The following NLRP12 variants were observed in gnomAD, a reference collection of about 807,000 sequenced individuals.
NLRP12 encodes the protein NLR family pyrin domain containing 12.
NLRP12 carries 108 observed loss-of-function variants against 91.2 expected under a neutral mutation model. The observed-to-expected ratio is 1.18, with a 90% CI of 1.01 to 1.39. The LOEUF (loss-of-function observed/expected upper bound fraction) is 1.39. NLRP12 is among the 40% of genes most tolerant of loss of function. The pLI is 0.00. For synonymous variants in NLRP12, 613 were observed against 566.7 expected, an observed-to-expected ratio of 1.08 and a Z score of -1.16; for missense variants, 1,530 against 1,352.7, an observed-to-expected ratio of 1.13 and a Z score of -2.06.
intron 1 of NLRP12, among the ~76,000 whole-genome samples, chr19:53,821,418 C>T (rs1161240608): frequency 1.3e-5 from 2 of 151,924 alleles, no homozygotes; most frequent in Admixed American, 1.3e-4. Flanking sequence ...CCTGTAATCA[C>T]AGCACTTTGG....
In NLRP12 at chr19:53,798,057, C is replaced by T. The variant is rs544611326; in HGVS notation, c.2927+186G>A. ...GCCTTAAGTTTTTAAAATTTTAAGT[C>T]GGGTAGCACCCCCAAATCAGAATAA... On this transcript the variant is annotated intron_variant, in intron 8 of 9. Transcript: ENST00000324134. Among the ~76,000 whole-genome samples the T allele has an allele frequency of 3.3e-5, 5 of 152,330 alleles. No individual in the cohort carries two copies. The East Asian group carries it at 7.7e-4, about 23-fold the overall frequency.
chr19:53,804,218 G>C, intron 5 of NLRP12, 96 bp from the exon 6 acceptor site: 1 of 1,382,104 alleles, frequency 7.2e-7, no homozygotes, highest in Non-Finnish European at 1.0e-6. Context: ...TTAGGAACAG[G>C]TTGTTGCTCT....
At chr19:53,812,193 C>T (rs975829170) in intron 2 of NLRP12, among the ~76,000 whole-genome samples, 8 of 151,400 alleles carry the variant, frequency 5.3e-5, no homozygotes, top group Non-Finnish European at 7.4e-5. Context: ...TGGTCTACAA[C>T]TACTAGCCTC....
At chr19:53,804,509 A>G (rs1224860144) in intron 5 of NLRP12, among the ~76,000 whole-genome samples, 4 of 143,718 alleles carry the variant, frequency 2.8e-5, no homozygotes. Context: ...AGTGATTTTC[A>G]TACCTCAGTC....
rs747435135 is a variant in NLRP12, at chr19:53,809,978, G to T, written c.1681C>A (p.Arg561Ser). The stretch of plus-strand genomic sequence containing the variant: ...TCGTTCAGGAGTCCAAACAGGAAGC[G>T]GCTGGTGAGTGCCAGGAAGCTCCTT... ...SERSFLALTS[R>S]FLFGLLNEET... Residue 561 changes from arginine (R) to serine (S), a missense_variant, in exon 3 of 10, where the codon CGC becomes AGC. Coordinates refer to ENST00000324134, the MANE Select transcript of NLRP12 (RefSeq NM_144687.4). 3.1e-6 allele frequency: 5 copies of T among 1,614,018 alleles called. No individual in the cohort carries two copies. The highest frequency in any genetic ancestry group is 2.7e-5 in the African/African-American group (2 of 74,936).
chr19:53,804,189 C>T (rs1035338065), intron 5 of NLRP12, 67 bp from the exon 6 acceptor site: 1 of 1,534,984 alleles, frequency 6.5e-7, no homozygotes, highest in African/African-American at 1.4e-5. Context: ...ACTCATGCTC[C>T]AGCCTGTTAT....
At chr19:53,820,867 A>G (rs533578325) in intron 1 of NLRP12, among the ~76,000 whole-genome samples, 1 of 151,114 alleles carries the variant, frequency 6.6e-6, no homozygotes, top group South Asian at 2.1e-4. Context: ...TTTTGTAAAA[A>G]ATAAAAATAT....
chr19:53,805,660 G>A (rs1235024910), intron 4 of NLRP12: 2 of 614,152 alleles, frequency 3.3e-6, no homozygotes, highest in African/African-American at 3.7e-5. Context: ...TGGGCTTACA[G>A]ACGTGTGCCA....
At chr19:53,815,995 C>T (rs2092153491) in intron 1 of NLRP12, among the ~76,000 whole-genome samples, 1 of 149,754 alleles carries the variant, frequency 6.7e-6, no homozygotes, top group South Asian at 2.1e-4. Flanking sequence ...TGGTCTGGAA[C>T]TCCTAGCTTC....
chr19:53,806,898 T>G (rs1188329387), intron 4 of NLRP12, among the ~76,000 whole-genome samples: 1 of 149,912 alleles, frequency 6.7e-6, no homozygotes, highest in African/African-American at 2.5e-5. Context: ...AGAAAAAAAT[T>G]TGGAGACCCA....
chr19:53,820,140 GGAATCGCAGA>G (rs1486334269), intron 1 of NLRP12, among the ~76,000 whole-genome samples: 1 of 152,098 alleles, frequency 6.6e-6, no homozygotes, highest in Non-Finnish European at 1.5e-5. Context: ...GCCAGACACT[GGAATCGCAGA>G]GAATCACACA....
intron 1 of NLRP12, among the ~76,000 whole-genome samples, chr19:53,819,646 C>CGT (rs2092234325): frequency 9.3e-6 from 1 of 107,172 alleles, no homozygotes; most frequent in African/African-American, 3.8e-5. Context: ...TGTATGTATA[C>CGT]GTATATATAT....
In NLRP12 at chr19:53,809,744, T is replaced by A. The variant is rs765951747; in HGVS notation, c.1915A>T (p.Ser639Cys). ...TGCTCCATCTTGGAGGCAATGTTGC[T>A]GACCACGATCACCTGGAAGTGGCTC... is the stretch of plus-strand genomic sequence containing the variant. The part of the protein sequence containing the change: ...ALSHFQVIVV[S>C]NIASKMEHMV... Residue 639 changes from serine (S) to cysteine (C), a missense_variant, in exon 3 of 10, where the codon AGC becomes TGC. By Grantham distance (112) the Ser-to-Cys change is moderately radical. Coordinates refer to ENST00000324134, the MANE Select transcript of NLRP12 (RefSeq NM_144687.4). 2 of 1,614,122 alleles carry A rather than the reference T, an allele frequency of 1.2e-6. No individual in the cohort carries two copies. Among genetic ancestry groups the A allele is most frequent in the Admixed American group, 3.3e-5 (2 of 59,992 alleles).
chr19:53,813,289 T>C (rs1033199900), intron 2 of NLRP12, among the ~76,000 whole-genome samples: 3 of 139,920 alleles, frequency 2.1e-5, no homozygotes, highest in African/African-American at 5.5e-5. Flanking sequence ...TTCTTTTTTT[T>C]TTTTCTTTTC....
Position 53,810,544 on chromosome 19 carries a change from T to C in NLRP12, c.1115A>G (p.Glu372Gly). Residue 372 changes from glutamate (E) to glycine (G), a missense_variant, in exon 3 of 10, where the codon GAA (glutamate) becomes GGA (glycine). By Grantham distance (98) the Glu-to-Gly change is moderately conservative. Coordinates refer to ENST00000324134, the MANE Select transcript of NLRP12 (RefSeq NM_144687.4). ...ATTGTGGAAATACTTGTAGAAGTAT[T>C]CCTTCCTTTCTGCCTCAGAGAAGCC... ...ILGFSEAERK[E>G]YFYKYFHNAE... 1 of 1,614,130 alleles carries C rather than the reference T, an allele frequency of 6.2e-7. No homozygotes were observed. The highest frequency in any genetic ancestry group is 1.1e-5 in the South Asian group (1 of 91,084).
intron 6 of NLRP12, among the ~76,000 whole-genome samples, chr19:53,802,866 G>A (rs150350628): frequency 1.3e-4 from 20 of 152,122 alleles, no homozygotes; most frequent in African/African-American, 2.2e-4. Context: ...CTTGGCCTCC[G>A]AGGCTCCTGA....
Position 53,807,609 on chromosome 19 carries a change from C to G in NLRP12, c.2129G>C (p.Cys710Ser). Residue 710 changes from cysteine to serine, a missense_variant, in exon 4 of 10, where the codon TGC becomes TCC. Transcript: ENST00000324134. ...AYSEHLAAAL[C>S]TNPNLIELSL... ...CAGCTCTATCAGGTTTGGATTGGTG[C>G]ACAGGGCCGCTGCCAGATGTTCACT... The G allele has an allele frequency of 6.2e-7, 1 of 1,614,168 alleles. No homozygotes were observed. Among genetic ancestry groups the G allele is most frequent in the Non-Finnish European group, 8.5e-7 (1 of 1,180,030 alleles).
At chr19:53,809,561 C>T (rs1241077143) in intron 3 of NLRP12, 26 bp downstream of exon 3, 1 of 1,571,170 alleles carries the variant, frequency 6.4e-7, no homozygotes, top group Non-Finnish European at 8.7e-7. Context: ...CTAAGCAGCC[C>T]CAGGGGATAC....
rs1568681230 is a variant in NLRP12, at chr19:53,810,686, TAAG to T, written c.970_972del (p.Leu324del). 4.3e-6 allele frequency: 7 copies of T among 1,613,844 alleles called. No homozygotes were observed. Among genetic ancestry groups the T allele is most frequent in the Non-Finnish European group, 5.9e-6 (7 of 1,179,908 alleles). On this transcript the variant is annotated inframe_deletion, in exon 3 of 10. Coordinates refer to ENST00000324134, the MANE Select transcript of NLRP12 (RefSeq NM_144687.4). ...AGCAGCTTCTTCCGAATTAAGCTGT[TAAG>T]AAGCAGCTCCGTGGGCCGTTTCTCC...
Sources: gnomAD v4.1 joint callset for allele counts (sites outside exome capture counted in the v4.1 genomes callset) on GRCh38, gnomAD v4.1.1 for gene constraint, MANE v1.5 for transcripts, NCBI Gene and HGNC (gene_info 2026-07-23, HGNC 2026-07-21) for gene names.